Variants in PROS1 observed in about 807,000 individuals in gnomAD.
The protein encoded by PROS1 is protein S.
In PROS1, 29 loss-of-function variants were observed where a neutral mutation model predicts 75.9. The ratio of observed to expected loss-of-function variants is 0.38; its 90% CI spans 0.28 to 0.52. PROS1 has a LOEUF of 0.52. Among genes scored for constraint, PROS1 ranks in the 20% least tolerant of loss-of-function variants. PROS1 has a pLI of 0.83. For synonymous variants in PROS1, 245 were observed against 280.6 expected (o/e 0.87, Z 1.27); for missense variants, 680 against 810.3 (o/e 0.84, Z 1.95).
At chr3:93,918,212 T>G (rs1708889374) in intron 3 of PROS1, among the ~76,000 whole-genome samples, 1 of 152,226 alleles carries the variant, frequency 6.6e-6, no homozygotes, top group Non-Finnish European at 1.5e-5. Flanking sequence ...ATCTAGCTAA[T>G]CTGGTGGGGA....
rs1219742397 is a variant in PROS1 at position 93,937,205 on chromosome 3, C to A, written c.77-9798G>T. 2.0e-5 allele frequency among the ~76,000 whole-genome samples: 3 copies of A among 152,126 alleles called. No homozygotes were observed. The East Asian group carries it at 5.8e-4, about 29-fold the overall frequency. ...TAAGGGCTCACAAGACTAAAGATTT[C>A]ACATGAAAGGGTCGTGATTGATTTG... On this transcript the variant is annotated intron_variant, in intron 1 of 14. Transcript: ENST00000394236.
At chr3:93,882,475 T>C (rs555389749) in intron 12 of PROS1, among the ~76,000 whole-genome samples, 8 of 152,146 alleles carry the variant, frequency 5.3e-5, no homozygotes, top group Non-Finnish European at 1.2e-4. Context: ...TGACTTTTCT[T>C]GAAACTATCA....
At chr3:93,960,862 GT>G (rs1051769710) in intron 1 of PROS1, among the ~76,000 whole-genome samples, 2 of 149,608 alleles carry the variant, frequency 1.3e-5, no homozygotes, top group African/African-American at 4.9e-5. Flanking sequence ...TCTAATAAAA[GT>G]AAAAACACAT....
intron 10 of PROS1, among the ~76,000 whole-genome samples, chr3:93,890,037 T>C (rs1208352117): frequency 6.6e-6 from 1 of 152,122 alleles, no homozygotes; most frequent in Admixed American, 6.5e-5. Flanking sequence ...TAGCAAAGAA[T>C]ATTAATAATT....
At chr3:93,938,350 T>C (rs557249923) in intron 1 of PROS1, among the ~76,000 whole-genome samples, 2 of 152,308 alleles carry the variant, frequency 1.3e-5, no homozygotes, top group Admixed American at 6.5e-5. Context: ...GACTCTCTTT[T>C]TGGACTCAGC....
At chr3:93,903,773 G>A (rs1006376251) in intron 6 of PROS1, among the ~76,000 whole-genome samples, 1 of 152,044 alleles carries the variant, frequency 6.6e-6, no homozygotes, top group African/African-American at 2.4e-5. Context: ...ATGGTATCCA[G>A]CATTGTGATG....
intron 1 of PROS1, among the ~76,000 whole-genome samples, chr3:93,963,009 C>T (rs1420027618): frequency 2.0e-5 from 3 of 152,210 alleles, no homozygotes; most frequent in African/African-American, 4.8e-5. Context: ...ATCAAGTGGT[C>T]TGTCACTTGG....
chr3:93,927,090 T>G (rs1709029380), intron 2 of PROS1, among the ~76,000 whole-genome samples, 160 bp downstream of exon 2: 2 of 152,238 alleles, frequency 1.3e-5, no homozygotes, highest in African/African-American at 4.8e-5. Flanking sequence ...CCACTTTCCT[T>G]TGAAGGTACT....
In PROS1 at chr3:93,973,841, T is replaced by C; in HGVS notation, c.-92A>G. ...CCGCGGAGCTGCGAGCCTGTGCGCCTCGGTCTGAGCCGTGCTGCGCGGCGG... is the reference window on the plus strand; with the variant it reads ...CCGCGGAGCTGCGAGCCTGTGCGCCCCGGTCTGAGCCGTGCTGCGCGGCGG... On this transcript the variant is annotated 5_prime_UTR_variant, in exon 1 of 15. Transcript: ENST00000394236. The C allele has an allele frequency of 1.7e-6, 2 of 1,192,384 alleles. No individual in the cohort carries two copies. The highest frequency in any genetic ancestry group is 2.3e-6 in the Non-Finnish European group (2 of 857,962). 73.9% of individuals were successfully genotyped at this position (1,192,384 alleles called of 1,614,324 possible). A position where few individuals can be genotyped will look rare whatever the true frequency, so the allele number is the denominator to read the frequency against.
chr3:93,892,516 C>T (rs755056138), intron 10 of PROS1, among the ~76,000 whole-genome samples: 1 of 151,130 alleles, frequency 6.6e-6, no homozygotes, highest in Non-Finnish European at 1.5e-5. Flanking sequence ...CCCAGCTACT[C>T]GAGAGGCCAA....
At chr3:93,932,792 T>C (rs1422793789) in intron 1 of PROS1, among the ~76,000 whole-genome samples, 1 of 152,186 alleles carries the variant, frequency 6.6e-6, no homozygotes, top group Non-Finnish European at 1.5e-5. Flanking sequence ...ACAGTGATGC[T>C]AGCACTCCCT....
intron 3 of PROS1, among the ~76,000 whole-genome samples, chr3:93,920,269 T>A (rs1418308529): frequency 6.6e-6 from 1 of 152,070 alleles, no homozygotes; most frequent in Non-Finnish European, 1.5e-5. Context: ...ATAAAATCAA[T>A]TTGAGGAGAA....
At chr3:93,899,772 A>C (rs539138168) in intron 7 of PROS1, among the ~76,000 whole-genome samples, 1 of 152,170 alleles carries the variant, frequency 6.6e-6, no homozygotes, top group African/African-American at 2.4e-5. Flanking sequence ...ACCGCCATCA[A>C]GGTAACTAAT....
intron 9 of PROS1, 134 bp downstream of exon 9, chr3:93,896,442 G>T: frequency 1.3e-6 from 1 of 748,524 alleles, no homozygotes; most frequent in African/African-American, 1.7e-5. Context: ...GTTTCCCCAA[G>T]TCATCTGATT....
Position 93,898,455 on chromosome 3 carries a change from C to T in PROS1, c.842G>A (p.Ser281Asn), listed in dbSNP as rs964985824. The change falls in exon 8 of 15, where the codon AGT becomes AAT. Residue 281 changes from serine (S) to asparagine (N), a missense_variant. By Grantham distance (46) the Ser-to-Asn change is conservative (BLOSUM62 1). Transcript: ENST00000394236. ...KGFKLAQDQKSCEVVSVCLPL... is the reference protein window; with the variant it reads ...KGFKLAQDQKNCEVVSVCLPL... ...GCATTGTAAAATGTTTACCTCACAA[C>T]TCTTCTGATCTTGGGCAAGTTTGAA... is the stretch of plus-strand genomic sequence containing the variant. 1.3e-5 allele frequency: 21 copies of T among 1,612,362 alleles called. No individual in the cohort carries two copies. Among genetic ancestry groups the T allele is most frequent in the Non-Finnish European group, 1.7e-5 (20 of 1,178,840 alleles).
At chr3:93,883,740 G>T (rs1432151276) in intron 12 of PROS1, among the ~76,000 whole-genome samples, 1 of 151,984 alleles carries the variant, frequency 6.6e-6, no homozygotes, top group African/African-American at 2.4e-5. Context: ...GAGGCCAAGG[G>T]GGTGGATCAT....
chr3:93,891,496 C>T (rs1215235347), intron 10 of PROS1, among the ~76,000 whole-genome samples: 4 of 152,058 alleles, frequency 2.6e-5, no homozygotes, highest in East Asian at 1.9e-4. Flanking sequence ...GGCGTGATCT[C>T]GGCTCACTGC....
chr3:93,884,042 A>C (rs991514895), intron 12 of PROS1, among the ~76,000 whole-genome samples: 1 of 152,242 alleles, frequency 6.6e-6, no homozygotes, highest in African/African-American at 2.4e-5. Context: ...TCAACTTTTC[A>C]CTAGATTGAT....
At chr3:93,889,804 C>T (rs1376203076) in intron 10 of PROS1, among the ~76,000 whole-genome samples, 9 of 152,136 alleles carry the variant, frequency 5.9e-5, no homozygotes, top group Admixed American at 5.9e-4. Context: ...AGGATCACAA[C>T]TGTGTTAACT....
Sources: allele counts gnomAD v4.1 joint callset (sites outside exome capture counted in the v4.1 genomes callset), GRCh38; gene constraint gnomAD v4.1.1; transcripts MANE v1.5; gene names NCBI Gene and HGNC (gene_info 2026-07-23, HGNC 2026-07-21).